Variants in MDGA1 observed in about 807,000 individuals in gnomAD.
MDGA1 encodes the protein MAM domain-containing glycosylphosphatidylinositol anchor protein 1.
In MDGA1, 54 loss-of-function variants were observed where a neutral mutation model predicts 101.5. The observed-to-expected ratio is 0.53, with a 90% CI of 0.43 to 0.67. The LOEUF is 0.67. Among genes scored for constraint, MDGA1 ranks in the 30% least tolerant of loss-of-function variants. The pLI, the probability that MDGA1 is intolerant of heterozygous loss-of-function variation, is 0.00. For synonymous variants in MDGA1, 533 were observed against 558.3 expected (o/e 0.95, Z 0.64); for missense variants, 1,083 against 1,323.8 (o/e 0.82, Z 2.82).
intron 1 of MDGA1, among the ~76,000 whole-genome samples, chr6:37,684,710 C>T (rs778449769): frequency 6.6e-6 from 1 of 152,196 alleles, no homozygotes; most frequent in Admixed American, 6.5e-5. Flanking sequence ...TGAGCTCACT[C>T]CTTGCCATAC....
rs1762438576 is a variant in MDGA1, at chr6:37,697,085, C to T, written c.-274G>A. 1 of 330,930 alleles carries T rather than the reference C, an allele frequency of 3.0e-6. No homozygotes were observed. The highest frequency in any genetic ancestry group is 5.4e-6 in the Non-Finnish European group (1 of 183,780). The allele number at this position is 330,930 out of a possible 1,614,324, so 20.5% of individuals were successfully genotyped here. A position where few individuals can be genotyped will look rare whatever the true frequency, so the allele number is the denominator to read the frequency against. ...CGGCACAGCAGCCAGCGCCCCGACC[C>T]GAGGAGCCCGGCCGCCGAGCCGCCC... On this transcript the variant is annotated 5_prime_UTR_variant, in exon 1 of 17. Coordinates refer to ENST00000434837, the MANE Select transcript of MDGA1 (RefSeq NM_153487.4).
chr6:37,680,840 G>A (rs1024555646), intron 1 of MDGA1, among the ~76,000 whole-genome samples: 2 of 152,260 alleles, frequency 1.3e-5, no homozygotes, highest in Non-Finnish European at 2.9e-5. Context: ...CACGCCTGGC[G>A]CAGGCCCCAG....
Position 37,649,260 on chromosome 6 carries a change from G to A in MDGA1, c.1616C>T (p.Pro539Leu), listed in dbSNP as rs1370130844. The change falls in exon 9 of 17, where the codon CCG becomes CTG. Residue 539 changes from proline (P) to leucine (L), a missense_variant. Pro to Leu is a moderately conservative substitution (Grantham distance 98, BLOSUM62 -3). Coordinates refer to ENST00000434837, the MANE Select transcript of MDGA1 (RefSeq NM_153487.4). ...GTCCTGGGAACTGGGCTCCACCTCCGGCGGGACTGGGGGCGGGAGCGGCGG... is the reference window on the plus strand; with the variant it reads ...GTCCTGGGAACTGGGCTCCACCTCCAGCGGGACTGGGGGCGGGAGCGGCGG... ...AQVQLNVQFPPEVEPSSQDVR... is the reference protein window; with the variant it reads ...AQVQLNVQFPLEVEPSSQDVR... 1.3e-6 allele frequency: 2 copies of A among 1,498,884 alleles called. No individual in the cohort carries two copies. The highest frequency in any genetic ancestry group is 1.4e-5 in the African/African-American group (1 of 69,004). 92.8% of individuals were successfully genotyped at this position (1,498,884 alleles called of 1,614,324 possible).
Position 37,638,767 on chromosome 6 carries a change from C to T in MDGA1, c.2537-100G>A. 1 of 1,482,210 alleles carries T rather than the reference C, an allele frequency of 6.7e-7. No homozygotes were observed. Among genetic ancestry groups the T allele is most frequent in the Non-Finnish European group, 9.1e-7 (1 of 1,101,526 alleles). 91.8% of individuals were successfully genotyped at this position (1,482,210 alleles called of 1,614,324 possible). On this transcript the variant is annotated intron_variant, in intron 14 of 16. Coordinates refer to ENST00000434837, the MANE Select transcript of MDGA1 (RefSeq NM_153487.4). The surrounding 1 kb of genome is among the most constrained non-coding windows in gnomAD (Gnocchi z 4.8). ...TCTTCTCCCACCATAGCCTGCAGCC[C>T]TGTCCCTGTTGACAGGACCTCCTCC...
chr6:37,666,801 G>A (rs1761764058), intron 1 of MDGA1, among the ~76,000 whole-genome samples: 1 of 152,230 alleles, frequency 6.6e-6, no homozygotes, highest in Non-Finnish European at 1.5e-5. Flanking sequence ...ATCTTCTGGA[G>A]GAAGAACCAC....
At position 37,655,291 on chromosome 6, in the gene MDGA1, C is replaced by T. The variant is rs560809218; in HGVS notation, c.580-359G>A. 3.1e-5 allele frequency: 11 copies of T among 353,060 alleles called. No individual in the cohort carries two copies. The Admixed American group carries it at 4.0e-4, about 13-fold the overall frequency. The allele number at this position is 353,060 out of a possible 1,614,324, so 21.9% of individuals were successfully genotyped here. On this transcript the variant is annotated intron_variant, in intron 4 of 16. Transcript: ENST00000434837. This position sits in a 1 kb window ranked among gnomAD's most constrained non-coding sequence, Gnocchi z 5.1. ...GCCTGCAGCCACCGCTGAAAGCCCT[C>T]CTTGGCAGAATGGCATCACCACCAT...
At position 37,696,254 on chromosome 6, in the gene MDGA1, A is replaced by T. The variant is rs1043430585; in HGVS notation, c.67+491T>A. Among the ~76,000 whole-genome samples, 8 of 152,154 alleles carry T rather than the reference A, an allele frequency of 5.3e-5. No individual in the cohort carries two copies. The highest frequency in any genetic ancestry group is 1.9e-4 in the African/African-American group (8 of 41,446). Reference sequence around the variant, plus strand: ...ATCCTGATCAGGGTGTCAAGCCCTGAGTAGAAGAAGCGAAGCCGCAGCAAC... The same window carrying T: ...ATCCTGATCAGGGTGTCAAGCCCTGTGTAGAAGAAGCGAAGCCGCAGCAAC... On this transcript the variant is annotated intron_variant, in intron 1 of 16. Transcript: ENST00000434837. This position sits in a 1 kb window ranked among gnomAD's most constrained non-coding sequence, Gnocchi z 5.6.
At chr6:37,647,129 C>T in intron 10 of MDGA1, 44 bp downstream of exon 10, 1 of 1,544,764 alleles carries the variant, frequency 6.5e-7, no homozygotes, top group Non-Finnish European at 8.8e-7. Context: ...GTCAGCCACA[C>T]CACACTCCAC....
chr6:37,681,016 C>G (rs1348840216), intron 1 of MDGA1, among the ~76,000 whole-genome samples: 2 of 151,954 alleles, frequency 1.3e-5, no homozygotes, highest in Non-Finnish European at 2.9e-5. Context: ...CCCAGGAAAC[C>G]TGGGCAGGAC....
At chr6:37,640,331 C>T (rs758367342) in intron 14 of MDGA1, among the ~76,000 whole-genome samples, 52 of 151,760 alleles carry the variant, frequency 3.4e-4, no homozygotes, top group Non-Finnish European at 4.9e-4. Flanking sequence ...AAGACAGATA[C>T]GGAGGAGTGT....
chr6:37,659,871 G>A (rs1253784627), intron 2 of MDGA1, among the ~76,000 whole-genome samples: 2 of 151,974 alleles, frequency 1.3e-5, no homozygotes, highest in Non-Finnish European at 2.9e-5. Flanking sequence ...AGATAACAGG[G>A]ACATGAAAAC....
intron 1 of MDGA1, among the ~76,000 whole-genome samples, chr6:37,667,746 T>A (rs1761784927): frequency 1.3e-5 from 2 of 152,164 alleles, no homozygotes; most frequent in South Asian, 4.1e-4. Flanking sequence ...GGCTTGCCTG[T>A]AGCAAGGCAG....
Position 37,655,273 on chromosome 6 carries a change from G to C in MDGA1, c.580-341C>G. 2.7e-6 allele frequency: 1 copy of C among 369,838 alleles called. No individual in the cohort carries two copies. The highest frequency in any genetic ancestry group is 4.9e-6 in the Non-Finnish European group (1 of 204,068). 22.9% of individuals were successfully genotyped at this position (369,838 alleles called of 1,614,324 possible). On this transcript the variant is annotated intron_variant, in intron 4 of 16. Transcript: ENST00000434837. This position sits in a 1 kb window ranked among gnomAD's most constrained non-coding sequence, Gnocchi z 5.1. Reference sequence around the variant, plus strand: ...CACACAAACATGGGGCTGGCCTGCAGCCACCGCTGAAAGCCCTCCTTGGCA... The same window carrying C: ...CACACAAACATGGGGCTGGCCTGCACCCACCGCTGAAAGCCCTCCTTGGCA...
intron 2 of MDGA1, among the ~76,000 whole-genome samples, chr6:37,660,209 TCTCA>T (rs372912369): frequency 6.7e-6 from 1 of 148,264 alleles, no homozygotes; most frequent in African/African-American, 2.5e-5. Flanking sequence ...AGAGCTAGGG[TCTCA>T]CTATGTTGCC....
chr6:37,642,775 C>T (rs1764121158), intron 14 of MDGA1, among the ~76,000 whole-genome samples: 1 of 152,166 alleles, frequency 6.6e-6, no homozygotes, highest in African/African-American at 2.4e-5. Flanking sequence ...GTCACTAACT[C>T]CTGGCTGGTA....
intron 2 of MDGA1, among the ~76,000 whole-genome samples, chr6:37,662,414 G>A (rs377041665): frequency 1.3e-5 from 2 of 152,150 alleles, no homozygotes; most frequent in African/African-American, 4.8e-5. Flanking sequence ...AAGAGTTCTA[G>A]GCTTGAAGCC....
In MDGA1 at chr6:37,659,100, G is replaced by A. The variant is rs1433448494; in HGVS notation, c.208-681C>T. On this transcript the variant is annotated intron_variant, in intron 2 of 16. Transcript: ENST00000434837. ...GAATTGAAGCCTCAGGCCAACAGCC[G>A]CGTGAGTTAGCTTGGAAGTAGATCC... Among the ~76,000 whole-genome samples, 5 of 151,814 alleles carry A rather than the reference G, an allele frequency of 3.3e-5. No individual in the cohort carries two copies. The East Asian group carries it at 5.8e-4, about 18-fold the overall frequency.
At chr6:37,643,400 G>T in intron 14 of MDGA1, 1 of 164,862 alleles carries the variant, frequency 6.1e-6, no homozygotes, top group South Asian at 1.7e-4. Context: ...AGCCTCCCAA[G>T]TAGCTGGGAT....
intron 2 of MDGA1, 37 bp from the exon 3 acceptor site, chr6:37,658,456 C>A: frequency 6.4e-7 from 1 of 1,574,690 alleles, no homozygotes; most frequent in South Asian, 1.2e-5. Context: ...GACTGTCAGA[C>A]TCACACGGGG....
Sources: gnomAD v4.1 joint callset for allele counts (sites outside exome capture counted in the v4.1 genomes callset) on GRCh38, gnomAD v4.1.1 for gene constraint, Gnocchi (gnomAD v3.1) non-coding constraint, MANE v1.5 for transcripts, NCBI Gene and HGNC (gene_info 2026-07-23, HGNC 2026-07-21) for gene names.